SYNJ2BP: variants seen among roughly 807,000 people sequenced by gnomAD.
The protein encoded by SYNJ2BP is synaptojanin 2 binding protein, also known as synaptojanin-2-binding protein.
In SYNJ2BP, 10 loss-of-function variants were observed where a neutral mutation model predicts 16.9. The observed-to-expected ratio is 0.59, with a 90% CI of 0.36 to 1.00. The LOEUF (loss-of-function observed/expected upper bound fraction) is 1.00. Among genes scored for constraint, SYNJ2BP ranks in the 50% least tolerant of loss-of-function variants. SYNJ2BP has a pLI of 0.01. For missense variants in SYNJ2BP, 162 were observed against 186.7 expected, an observed-to-expected ratio of 0.87 and a Z score of 0.77; for synonymous variants, 54 against 68.4, an observed-to-expected ratio of 0.79 and a Z score of 1.04.
At chr14:70,388,714 G>T (rs939405619) in intron 1 of SYNJ2BP, 108 bp from the exon 2 acceptor site, 97 of 1,349,532 alleles carry the variant, frequency 7.2e-5, no homozygotes, top group Non-Finnish European at 9.1e-5. Flanking sequence ...AAAGGCTGAT[G>T]GAGAGGAGAT....
intron 1 of SYNJ2BP, among the ~76,000 whole-genome samples, chr14:70,389,668 A>T (rs78747844): frequency 6.6e-6 from 1 of 152,240 alleles, no homozygotes; most frequent in Non-Finnish European, 1.5e-5. Flanking sequence ...CAATGCTTCA[A>T]TGAGCATTTC....
At chr14:70,374,637 T>C (rs1887585920) in intron 3 of SYNJ2BP, among the ~76,000 whole-genome samples, 1 of 152,200 alleles carries the variant, frequency 6.6e-6, no homozygotes. Flanking sequence ...CTGCCTTGAC[T>C]GAATTCTGAA....
chr14:70,401,004 G>A (rs142983322), intron 1 of SYNJ2BP, among the ~76,000 whole-genome samples: 24 of 152,190 alleles, frequency 1.6e-4, no homozygotes, highest in Non-Finnish European at 2.9e-4. Flanking sequence ...TTCAAAATTC[G>A]AGTGCTCTTT....
intron 1 of SYNJ2BP, among the ~76,000 whole-genome samples, chr14:70,396,899 T>A (rs545133199): frequency 1.6e-4 from 25 of 152,310 alleles, no homozygotes; most frequent in African/African-American, 6.0e-4. Context: ...TCTTAGCAAA[T>A]AAATAATTGG....
intron 1 of SYNJ2BP, among the ~76,000 whole-genome samples, chr14:70,410,235 T>C (rs538885946): frequency 1.3e-5 from 2 of 152,142 alleles, no homozygotes; most frequent in East Asian, 1.9e-4. Context: ...GGCAACATGG[T>C]GAAACCCCGT....
chr14:70,412,628 A>G (rs1458982515), intron 1 of SYNJ2BP, among the ~76,000 whole-genome samples: 1 of 129,720 alleles, frequency 7.7e-6, no homozygotes, highest in African/African-American at 2.5e-5. Context: ...ATGTATATAT[A>G]GTAACTAGCA....
chr14:70,373,008 A>G lies in SYNJ2BP; in HGVS notation c.421T>C (p.Tyr141His). ...TMVAAWAFMR[Y>H]RQQL The stretch of plus-strand genomic sequence containing the variant: ...CAAGTTTTTCAAAGTTGTTGCCGGT[A>G]TCTCATGAAAGCCCAGGCTGCTACC... Residue 141 changes from tyrosine to histidine, a missense_variant, in exon 4 of 4, where the codon TAC becomes CAC. Tyr to His is a moderately conservative substitution (Grantham distance 83). Coordinates refer to ENST00000256366, the MANE Select transcript of SYNJ2BP (RefSeq NM_018373.3). 6.2e-7 allele frequency: 1 copy of G among 1,614,168 alleles called. No homozygotes were observed. The highest frequency in any genetic ancestry group is 8.5e-7 in the Non-Finnish European group (1 of 1,180,000).
At chr14:70,401,396 G>A (rs1391755772) in intron 1 of SYNJ2BP, among the ~76,000 whole-genome samples, 1 of 151,956 alleles carries the variant, frequency 6.6e-6, no homozygotes, top group East Asian at 1.9e-4. Flanking sequence ...AGGAGTTTGA[G>A]ACCAGCCTGG....
intron 1 of SYNJ2BP, among the ~76,000 whole-genome samples, chr14:70,406,855 T>C (rs1177633302): frequency 6.6e-6 from 1 of 152,178 alleles, no homozygotes; most frequent in Non-Finnish European, 1.5e-5. Flanking sequence ...TCAGGGAGAC[T>C]GATAATAAAA....
intron 2 of SYNJ2BP, among the ~76,000 whole-genome samples, chr14:70,377,316 T>G (rs1887652759): frequency 6.6e-6 from 1 of 152,202 alleles, no homozygotes; most frequent in Admixed American, 6.5e-5. Context: ...TGGGCCATAT[T>G]CTGCAATCCT....
intron 1 of SYNJ2BP, among the ~76,000 whole-genome samples, chr14:70,404,038 G>A (rs1433183011): frequency 2.0e-5 from 3 of 152,148 alleles, no homozygotes; most frequent in Non-Finnish European, 4.4e-5. Flanking sequence ...TAACGTCAGG[G>A]TTTCTTTCAC....
chr14:70,412,233 T>C (rs998056832), intron 1 of SYNJ2BP, among the ~76,000 whole-genome samples: 3 of 152,044 alleles, frequency 2.0e-5, no homozygotes, highest in Non-Finnish European at 2.9e-5. Context: ...TATAATAAAA[T>C]AAAGGTCAGG....
At chr14:70,384,582 CAT>C (rs1227893019) in intron 2 of SYNJ2BP, among the ~76,000 whole-genome samples, 9 of 152,130 alleles carry the variant, frequency 5.9e-5, no homozygotes, top group Non-Finnish European at 1.3e-4. Context: ...GTAATTCTCA[CAT>C]GTCATGGGAA....
intron 1 of SYNJ2BP, among the ~76,000 whole-genome samples, chr14:70,408,735 T>A (rs1888405301): frequency 6.6e-6 from 1 of 151,950 alleles, no homozygotes; most frequent in South Asian, 2.1e-4. Context: ...AATACTCTCA[T>A]ATTATAGCTG....
At chr14:70,398,762 C>T (rs765080874) in intron 1 of SYNJ2BP, among the ~76,000 whole-genome samples, 3 of 152,166 alleles carry the variant, frequency 2.0e-5, no homozygotes, top group Non-Finnish European at 4.4e-5. Context: ...CCAGCACTAG[C>T]TGTGCCTCCT....
At chr14:70,401,739 C>T (rs1888242555) in intron 1 of SYNJ2BP, among the ~76,000 whole-genome samples, 1 of 152,066 alleles carries the variant, frequency 6.6e-6, no homozygotes, top group Non-Finnish European at 1.5e-5. Flanking sequence ...ATCGCCCAGG[C>T]TCAAGTGATT....
At chr14:70,402,412 T>C (rs1326360557) in intron 1 of SYNJ2BP, among the ~76,000 whole-genome samples, 1 of 152,188 alleles carries the variant, frequency 6.6e-6, no homozygotes, top group African/African-American at 2.4e-5. Flanking sequence ...GAGGTTTGTG[T>C]GGCCTGGTAT....
intron 1 of SYNJ2BP, among the ~76,000 whole-genome samples, chr14:70,414,165 G>C (rs942033370): frequency 5.9e-5 from 9 of 152,190 alleles, no homozygotes; most frequent in African/African-American, 2.2e-4. Flanking sequence ...GTTCTGGTAA[G>C]TGATTAACAT....
intron 1 of SYNJ2BP, among the ~76,000 whole-genome samples, chr14:70,391,540 C>T (rs925989263): frequency 6.6e-6 from 1 of 152,202 alleles, no homozygotes; most frequent in Non-Finnish European, 1.5e-5. Flanking sequence ...CCAAGGCCAA[C>T]CCACCTCTCC....
Sources: gnomAD v4.1 joint callset for allele counts (sites outside exome capture counted in the v4.1 genomes callset) on GRCh38, gnomAD v4.1.1 for gene constraint, MANE v1.5 for transcripts, NCBI Gene and HGNC (gene_info 2026-07-23, HGNC 2026-07-21) for gene names.